Variants in CFAP36 observed in about 807,000 individuals in gnomAD.
CFAP36 encodes the protein cilia and flagella associated protein 36, also known as cilia- and flagella-associated protein 36.
CFAP36 carries 37 observed loss-of-function variants against 50.5 expected under a neutral mutation model. The observed-to-expected ratio is 0.73, with a 90% CI of 0.56 to 0.96. The LOEUF (loss-of-function observed/expected upper bound fraction) is 0.96, where lower values mean the gene tolerates loss of function less well. Among genes scored for constraint, CFAP36 ranks in the 50% least tolerant of loss-of-function variants. The pLI is 0.00. For synonymous variants in CFAP36, 138 were observed against 128.2 expected (o/e 1.08, Z -0.52); for missense variants, 407 against 396.2 (o/e 1.03, Z -0.23).
chr2:55,520,309 G>A (rs981606177), intron 1 of CFAP36: 7 of 1,087,862 alleles, frequency 6.4e-6, no homozygotes, highest in Non-Finnish European at 9.0e-6. Context: ...CTTGAGAGGA[G>A]AAGCGTCGGT....
intron 7 of CFAP36, among the ~76,000 whole-genome samples, chr2:55,538,575 T>C (rs528006517): frequency 1.3e-5 from 2 of 152,230 alleles, no homozygotes; most frequent in African/African-American, 4.8e-5. Flanking sequence ...ATTACAGGCA[T>C]GAGCCACTGT....
At chr2:55,531,957 G>A (rs908588175) in intron 4 of CFAP36, among the ~76,000 whole-genome samples, 3 of 152,228 alleles carry the variant, frequency 2.0e-5, no homozygotes, top group Admixed American at 2.0e-4. Context: ...TCAGGCCACA[G>A]CATGGGGCAT....
In CFAP36 at chr2:55,522,093, T is replaced by C; in HGVS notation, c.116-9T>C. ...TTTTACACTATGTAATATTTTCTTT[T>C]AAATTTAGTTTTTGATGATGAAGAA... On this transcript the variant is annotated splice_polypyrimidine_tract_variant and intron_variant, in intron 1 of 9. Transcript: ENST00000349456. 7.1e-7 allele frequency: 1 copy of C among 1,407,942 alleles called. No homozygotes were observed. The highest frequency in any genetic ancestry group is 1.2e-5 in the South Asian group (1 of 80,618). The allele number at this position is 1,407,942 out of a possible 1,614,324, so 87.2% of individuals were successfully genotyped here.
intron 3 of CFAP36, among the ~76,000 whole-genome samples, chr2:55,524,406 C>G (rs1275212866): frequency 1.3e-5 from 2 of 149,550 alleles, no homozygotes; most frequent in Middle Eastern, 3.5e-3. Context: ...AGGTGCCGCA[C>G]CAGCACACAT....
At chr2:55,541,159 C>CA (rs903867290) in intron 7 of CFAP36, among the ~76,000 whole-genome samples, 1 of 151,908 alleles carries the variant, frequency 6.6e-6, no homozygotes, top group Admixed American at 6.6e-5. Context: ...TCCATCTCTA[C>CA]AAAAAATACA....
intron 3 of CFAP36, among the ~76,000 whole-genome samples, chr2:55,527,788 C>A (rs890572238): frequency 6.6e-6 from 1 of 151,944 alleles, no homozygotes; most frequent in Non-Finnish European, 1.5e-5. Context: ...TGTCTGCTCT[C>A]AGACCACAAC....
At chr2:55,541,279 G>A (rs1222748483) in intron 7 of CFAP36, among the ~76,000 whole-genome samples, 3 of 152,070 alleles carry the variant, frequency 2.0e-5, no homozygotes, top group Admixed American at 6.6e-5. Context: ...AGCCAAGATC[G>A]TGCCATTGCA....
chr2:55,539,192 A>T (rs1385663018), intron 7 of CFAP36: 1 of 163,212 alleles, frequency 6.1e-6, no homozygotes, highest in Non-Finnish European at 1.3e-5. Flanking sequence ...TGACAAATGT[A>T]TGATGACATG....
At chr2:55,534,502 T>C (rs2103654848) in intron 5 of CFAP36, among the ~76,000 whole-genome samples, 1 of 152,292 alleles carries the variant, frequency 6.6e-6, no homozygotes, top group East Asian at 1.9e-4. Context: ...TGGCAAAGAG[T>C]GTGCAGACCA....
At chr2:55,521,169 G>A (rs1306629106) in intron 1 of CFAP36, among the ~76,000 whole-genome samples, 1 of 144,454 alleles carries the variant, frequency 6.9e-6, no homozygotes, top group African/African-American at 2.5e-5. Flanking sequence ...TTTTAACAAT[G>A]TTCAAAAACA....
chr2:55,533,787 A>G lies in CFAP36; in HGVS notation c.398-86A>G, dbSNP rs181387793. The G allele has an allele frequency of 6.4e-3, 4,120 of 641,372 alleles. 24 individuals carry two copies. Among genetic ancestry groups the G allele is most frequent in the Non-Finnish European group, 9.1e-3 (3,419 of 374,552 alleles). 39.7% of individuals were successfully genotyped at this position (641,372 alleles called of 1,614,324 possible). A position where few individuals can be genotyped will look rare whatever the true frequency, so the allele number is the denominator to read the frequency against. On this transcript the variant is annotated intron_variant, in intron 4 of 9. Coordinates refer to ENST00000349456, the MANE Select transcript of CFAP36 (RefSeq NM_080667.7). ...TGTTACAGTGATAGATCTGAAGGTA[A>G]CTTGTACTTAAGGAACGAGAACAGT...
At chr2:55,544,197 G>A in intron 8 of CFAP36, 23 bp from the exon 9 acceptor site, 1 of 1,607,872 alleles carries the variant, frequency 6.2e-7, no homozygotes, top group South Asian at 1.1e-5. Flanking sequence ...AATTTAGATA[G>A]CTCCTTTTCT....
chr2:55,528,904 A>G lies in CFAP36; in HGVS notation c.309A>G (p.Ala103=). ...CCATTTTGCAACCTGTGTTGGCAGC[A>G]GAAGATTTTACTATCTTTAAAGCAA... ...SQAILQPVLA[A]EDFTIFKAMM... is the part of the protein sequence containing the mutation. Residue 103 remains alanine, a synonymous_variant, in exon 4 of 10, where the codon GCA becomes GCG. Coordinates refer to ENST00000349456, the MANE Select transcript of CFAP36 (RefSeq NM_080667.7). The G allele has an allele frequency of 1.2e-6, 2 of 1,608,962 alleles. No homozygotes were observed. The highest frequency in any genetic ancestry group is 1.7e-6 in the Non-Finnish European group (2 of 1,177,872).
At chr2:55,538,268 ATAT>A (rs1684544507) in intron 7 of CFAP36, among the ~76,000 whole-genome samples, 1 of 150,932 alleles carries the variant, frequency 6.6e-6, no homozygotes, top group Admixed American at 6.7e-5. Context: ...TGTGAGGTAG[ATAT>A]TATAATCCTT....
At chr2:55,538,671 G>T in intron 7 of CFAP36, 8 of 1,013,842 alleles carry the variant, frequency 7.9e-6, no homozygotes, top group Non-Finnish European at 1.2e-5. Flanking sequence ...TCAAACTCCT[G>T]GCCTCAAGTG....
At chr2:55,538,250 A>G (rs1295535482) in intron 7 of CFAP36, among the ~76,000 whole-genome samples, 1 of 151,982 alleles carries the variant, frequency 6.6e-6, no homozygotes, top group African/African-American at 2.4e-5. Context: ...AATTAAAAAA[A>G]TATACTCTGT....
intron 7 of CFAP36, among the ~76,000 whole-genome samples, chr2:55,540,764 A>AT (rs1388968420): frequency 6.6e-6 from 1 of 152,082 alleles, no homozygotes; most frequent in Non-Finnish European, 1.5e-5. Flanking sequence ...TAATCCTAGC[A>AT]TTTTGGGAGG....
At chr2:55,534,859 A>T (rs900952031) in intron 5 of CFAP36, among the ~76,000 whole-genome samples, 15 of 152,168 alleles carry the variant, frequency 9.9e-5, no homozygotes, top group Non-Finnish European at 2.1e-4. Context: ...CTATGGCAGG[A>T]GCTCCAGGAT....
chr2:55,544,263 A>ACTAT lies in CFAP36; in HGVS notation c.824_827dup (p.Lys277SerfsTer7). On this transcript the variant is annotated frameshift_variant, in exon 9 of 10. Coordinates refer to ENST00000349456, the MANE Select transcript of CFAP36 (RefSeq NM_080667.7). LOFTEE classifies it high-confidence loss of function. ...ACAGAAGAACTTCGGCAACGAGAAC[A>ACTAT]CTATCTCAAGCAGAAGAGAGATAAG... 7.4e-6 allele frequency: 12 copies of ACTAT among 1,613,960 alleles called. No homozygotes were observed. Among genetic ancestry groups the ACTAT allele is most frequent in the Non-Finnish European group, 1.0e-5 (12 of 1,179,938 alleles).
Sources: gnomAD v4.1 joint callset for allele counts (sites outside exome capture counted in the v4.1 genomes callset) on GRCh38, gnomAD v4.1.1 for gene constraint, MANE v1.5 for transcripts, NCBI Gene and HGNC (gene_info 2026-07-23, HGNC 2026-07-21) for gene names.